HGSNAT: variants seen among roughly 807,000 people sequenced by gnomAD.
HGSNAT encodes the protein heparan-alpha-glucosaminide N-acetyltransferase.
In HGSNAT, 59 loss-of-function variants were observed where a neutral mutation model predicts 85.2. That is an observed-to-expected ratio of 0.69 (90% confidence interval 0.56 to 0.86). The LOEUF (loss-of-function observed/expected upper bound fraction) is 0.86, where lower values mean the gene tolerates loss of function less well. HGSNAT is among the 40% of genes least tolerant of loss of function. The pLI is 0.00. For missense variants in HGSNAT, 756 were observed against 777.1 expected (o/e 0.97, Z 0.32); for synonymous variants, 321 against 304.5 (o/e 1.05, Z -0.56).
intron 6 of HGSNAT, among the ~76,000 whole-genome samples, chr8:43,169,648 A>G (rs1751842561): frequency 6.6e-6 from 1 of 152,204 alleles, no homozygotes; most frequent in Non-Finnish European, 1.5e-5. Flanking sequence ...AGGCTCATTT[A>G]TGGGGATGTT....
chr8:43,172,426 C>T (rs866778133), intron 8 of HGSNAT, 40 bp downstream of exon 8: 1 of 1,338,470 alleles, frequency 7.5e-7, no homozygotes, highest in Non-Finnish European at 1.1e-6. Context: ...TATATACGTC[C>T]TTCACAGAGC....
chr8:43,168,513 C>T (rs972742369), intron 5 of HGSNAT, among the ~76,000 whole-genome samples: 3 of 148,690 alleles, frequency 2.0e-5, no homozygotes, highest in Non-Finnish European at 4.4e-5. Flanking sequence ...TCTCCTGCCT[C>T]AGCCTCCTGA....
At chr8:43,146,910 T>G in intron 1 of HGSNAT, 38 bp from the exon 2 acceptor site, 1 of 164,624 alleles carries the variant, frequency 6.1e-6, no homozygotes, top group East Asian at 2.0e-4. Flanking sequence ...TTCGGGTGCC[T>G]TTTTTTTTTT....
intron 8 of HGSNAT, 112 bp downstream of exon 8, chr8:43,172,498 C>T (rs1448608282): frequency 8.0e-6 from 6 of 747,436 alleles, no homozygotes; most frequent in Non-Finnish European, 1.4e-5. Flanking sequence ...CCCCAGCAGC[C>T]TCCTCTGAGC....
rs868607550 is a variant in HGSNAT, at chr8:43,193,601, G to T, written c.1378-156G>T. 7.2e-5 allele frequency among the ~76,000 whole-genome samples: 11 copies of T among 152,314 alleles called. No homozygotes were observed. The South Asian group carries it at 2.3e-3, about 32-fold the overall frequency. The stretch of plus-strand genomic sequence containing the variant: ...ACACTTTCTTAGCCGGAAGCATTCT[G>T]CCTGTTATCCCTATAAGTTGGCAAT... On this transcript the variant is annotated intron_variant, in intron 13 of 17. Coordinates refer to ENST00000379644, the MANE Select transcript of HGSNAT (RefSeq NM_152419.3).
chr8:43,191,338 ACGTAGT>A, intron 11 of HGSNAT, 130 bp from the exon 12 acceptor site: 1 of 976,454 alleles, frequency 1.0e-6, no homozygotes, highest in Admixed American at 2.1e-5. Context: ...GGAGAACCTA[ACGTAGT>A]CAGTAAGTTT....
intron 11 of HGSNAT, 175 bp downstream of exon 11, chr8:43,182,435 G>A (rs753847583): frequency 1.5e-6 from 1 of 672,532 alleles, no homozygotes; most frequent in Non-Finnish European, 2.7e-6. Context: ...ACCATGCCTG[G>A]CCAGAAACTG....
At position 43,140,622 on chromosome 8, in the gene HGSNAT, C is replaced by T. The variant is rs2130648798; in HGVS notation, c.118+8C>T. ...AGGCCGCGCCGCCACGAGGTGAGTG[C>T]ACACCTCCTACCGCCGCCCGGCCGG... On this transcript the variant is annotated splice_region_variant and intron_variant, in intron 1 of 17. Transcript: ENST00000379644. 2.5e-6 allele frequency: 3 copies of T among 1,218,650 alleles called. No individual in the cohort carries two copies. The highest frequency in any genetic ancestry group is 3.1e-6 in the Non-Finnish European group (3 of 962,972). The allele number at this position is 1,218,650 out of a possible 1,614,324, so 75.5% of individuals were successfully genotyped here. A position where few individuals can be genotyped will look rare whatever the true frequency, so the allele number is the denominator to read the frequency against.
chr8:43,184,813 A>G (rs999320649), intron 11 of HGSNAT, among the ~76,000 whole-genome samples: 3 of 152,296 alleles, frequency 2.0e-5, no homozygotes, highest in African/African-American at 7.2e-5. Context: ...TAATTTTTGT[A>G]TAAGGTGTAA....
intron 14 of HGSNAT, chr8:43,196,516 A>C (rs892164313): frequency 7.8e-7 from 1 of 1,290,272 alleles, no homozygotes; most frequent in Admixed American, 2.3e-5. Context: ...CCTGCCTGGA[A>C]GTAAGAGCCA....
chr8:43,164,354 C>T (rs1803363188), intron 5 of HGSNAT, among the ~76,000 whole-genome samples: 1 of 152,062 alleles, frequency 6.6e-6, no homozygotes, highest in Non-Finnish European at 1.5e-5. Flanking sequence ...AGGTTCGTGG[C>T]AACCCTGCAT....
At chr8:43,147,618 A>T (rs1346120047) in intron 2 of HGSNAT, among the ~76,000 whole-genome samples, 1 of 152,246 alleles carries the variant, frequency 6.6e-6, no homozygotes, top group East Asian at 1.9e-4. Context: ...ATGCAGTTGG[A>T]GGCCAATATC....
intron 5 of HGSNAT, among the ~76,000 whole-genome samples, chr8:43,167,646 G>A (rs543506010): frequency 6.6e-6 from 1 of 152,148 alleles, no homozygotes; most frequent in East Asian, 1.9e-4. Flanking sequence ...TTGTGATATT[G>A]GCCTTATTGT....
At chr8:43,144,774 A>G (rs1802661394) in intron 1 of HGSNAT, among the ~76,000 whole-genome samples, 1 of 152,198 alleles carries the variant, frequency 6.6e-6, no homozygotes, top group South Asian at 2.1e-4. Context: ...AAAAATTTCA[A>G]GATTTGGCTA....
Position 43,158,658 on chromosome 8 carries a change from G to GCA in HGSNAT, c.320_321dup (p.Gly108ThrfsTer7). On this transcript the variant is annotated frameshift_variant, in exon 3 of 18. Coordinates refer to ENST00000379644, the MANE Select transcript of HGSNAT (RefSeq NM_152419.3). LOFTEE classifies it high-confidence loss of function. ...CTGCAGCTGCCTCTGTCAGCACCCAGCACGGATCTATCCTGCAGCTGAACG... is the reference window on the plus strand; with the variant it reads ...CTGCAGCTGCCTCTGTCAGCACCCAGCACACGGATCTATCCTGCAGCTGAACG... 1 of 1,613,950 alleles carries GCA rather than the reference G, an allele frequency of 6.2e-7. No individual in the cohort carries two copies. The highest frequency in any genetic ancestry group is 8.5e-7 in the Non-Finnish European group (1 of 1,179,842).
chr8:43,183,805 G>C (rs541524508), intron 11 of HGSNAT, among the ~76,000 whole-genome samples: 2 of 152,102 alleles, frequency 1.3e-5, no homozygotes, highest in East Asian at 3.9e-4. Context: ...CCCACAACAG[G>C]CCCCGGTGTG....
intron 2 of HGSNAT, among the ~76,000 whole-genome samples, chr8:43,151,606 T>C (rs1233683164): frequency 3.9e-5 from 6 of 152,230 alleles, no homozygotes; most frequent in Non-Finnish European, 1.5e-5. Flanking sequence ...GCAGGGATTA[T>C]GTATTCTACC....
chr8:43,197,476 G>A, intron 15 of HGSNAT, 196 bp from the exon 16 acceptor site: 1 of 594,658 alleles, frequency 1.7e-6, no homozygotes, highest in East Asian at 2.8e-5. Flanking sequence ...TCAGTAGAAT[G>A]GTGAAGAGAT....
Position 43,151,482 on chromosome 8 carries a change from C to T in HGSNAT, c.234+4419C>T, listed in dbSNP as rs139837825. ...TTACTGGCAATAGAAATAAGTAACA[C>T]GTGTGGCAGAAATTAAATGAAAAAA... On this transcript the variant is annotated intron_variant, in intron 2 of 17. Coordinates refer to ENST00000379644, the MANE Select transcript of HGSNAT (RefSeq NM_152419.3). Among the ~76,000 whole-genome samples, 485 of 152,128 alleles carry T rather than the reference C, an allele frequency of 3.2e-3. 3 individuals carry two copies. Among genetic ancestry groups the T allele is most frequent in the African/African-American group, 0.011 (445 of 41,486 alleles).
Sources: gnomAD v4.1 joint callset for allele counts (sites outside exome capture counted in the v4.1 genomes callset) on GRCh38, gnomAD v4.1.1 for gene constraint, MANE v1.5 for transcripts, NCBI Gene and HGNC (gene_info 2026-07-23, HGNC 2026-07-21) for gene names.